The following ZNF587 variants were observed in gnomAD, a reference collection of about 807,000 sequenced individuals.
The protein encoded by ZNF587 is zinc finger protein 587.
A neutral mutation model predicts 7.5 loss-of-function variants in ZNF587; 8 were observed. That is an observed-to-expected ratio of 1.06 (90% CI 0.62 to 1.92). The LOEUF is 1.92. ZNF587 is among the 40% of genes most tolerant of loss of function. The pLI, the probability that ZNF587 is intolerant of heterozygous loss-of-function variation, is 0.00. For missense variants in ZNF587, 468 were observed against 692.8 expected (o/e 0.68, Z 3.64); for synonymous variants, 145 against 237.8 (o/e 0.61, Z 3.59).
At position 57,853,730 on chromosome 19, in the gene ZNF587, A is replaced by C. The variant is rs535385940; in HGVS notation, c.34-2374A>C. On this transcript the variant is annotated intron_variant, in intron 1 of 2. Transcript: ENST00000339656. ...TCAGGGAAGATGACACTTAGGCCTG[A>C]GTTGGTGCCAAAGTTGTAACTTTTT... 6 of 150,970 alleles carry C rather than the reference A, an allele frequency of 4.0e-5. No individual in the cohort carries two copies. In the East Asian group the frequency reaches 1.2e-3, roughly 29 times the overall value. The allele number at this position is 150,970 out of a possible 1,614,324, so 9.4% of individuals were successfully genotyped here.
intron 1 of ZNF587, chr19:57,854,122 T>G (rs2071320027): frequency 6.6e-6 from 1 of 152,234 alleles, no homozygotes. Context: ...CTGGGGAGTT[T>G]CATTCAGCCT....
rs1202955370 is a variant in ZNF587, at chr19:57,863,066, C to T, written c.*2926C>T. 2 of 152,908 alleles carry T rather than the reference C, an allele frequency of 1.3e-5. No individual in the cohort carries two copies. The highest frequency in any genetic ancestry group is 2.9e-5 in the Non-Finnish European group (2 of 68,268). 9.5% of individuals were successfully genotyped at this position (152,908 alleles called of 1,614,324 possible). On this transcript the variant is annotated 3_prime_UTR_variant, in exon 3 of 3. Transcript: ENST00000339656. ...TCCCGGGTTCACGCCATTCTCTTGC[C>T]TCAGCCTCCTGAGTAGCTGGGACCA...
rs549677619 is a variant in ZNF587 at position 57,862,381 on chromosome 19, A to G, written c.*2241A>G. On this transcript the variant is annotated 3_prime_UTR_variant, in exon 3 of 3. Transcript: ENST00000339656. ...CTCAGAGCTCTGAGTCCTCTACTCAATACCCATTGAGATTTATGTGTTCTG... is the reference window on the plus strand; with the variant it reads ...CTCAGAGCTCTGAGTCCTCTACTCAGTACCCATTGAGATTTATGTGTTCTG... 27 of 152,294 alleles carry G rather than the reference A, an allele frequency of 1.8e-4. No homozygotes were observed. Among genetic ancestry groups the G allele is most frequent in the African/African-American group, 4.6e-4 (19 of 41,578 alleles). 9.4% of individuals were successfully genotyped at this position (152,294 alleles called of 1,614,324 possible). A position where few individuals can be genotyped will look rare whatever the true frequency, so the allele number is the denominator to read the frequency against.
rs542306838 is a variant in ZNF587, at chr19:57,859,348, T to C, written c.936T>C (p.Ile312=). Reference sequence around the variant, plus strand: ...CTTTTAGTCAGAAGGGCAGCCTTATTAGCCATCAGCTTGTTCACACTGGAG... The same window carrying C: ...CTTTTAGTCAGAAGGGCAGCCTTATCAGCCATCAGCTTGTTCACACTGGAG... The part of the protein sequence containing the change: ...GKSFSQKGSL[I]SHQLVHTGEG... Residue 312 remains isoleucine, a synonymous_variant, in exon 3 of 3, where the codon ATT becomes ATC. Coordinates refer to ENST00000339656, the MANE Select transcript of ZNF587 (RefSeq NM_032828.4). 17 of 1,609,972 alleles carry C rather than the reference T, an allele frequency of 1.1e-5. No homozygotes were observed. Among genetic ancestry groups the C allele is most frequent in the Non-Finnish European group, 1.4e-5 (17 of 1,179,302 alleles).
In ZNF587 at chr19:57,860,032, A is replaced by G. The variant is rs770535650; in HGVS notation, c.1620A>G (p.Arg540=). The G allele has an allele frequency of 6.2e-7, 1 of 1,613,684 alleles. No individual in the cohort carries two copies. Among genetic ancestry groups the G allele is most frequent in the African/African-American group, 1.3e-5 (1 of 74,756 alleles). ...SECSSLIKHR[R]IHTGERPYEC... is the part of the protein sequence containing the mutation. ...GTTCCAGTCTCATTAAACACAGGAG[A>G]ATTCACACTGGAGAAAGGCCTTATG... Residue 540 remains arginine (R), a synonymous_variant, in exon 3 of 3, where the codon AGA becomes AGG. Coordinates refer to ENST00000339656, the MANE Select transcript of ZNF587 (RefSeq NM_032828.4).
chr19:57,860,420 C>T lies in ZNF587; in HGVS notation c.*280C>T. ...AGTAGCTGGGATTATGAGTACACAC[C>T]ACCACGCCCAGCTAATTTTTGTGTT... On this transcript the variant is annotated 3_prime_UTR_variant, in exon 3 of 3. Transcript: ENST00000339656. The T allele has an allele frequency of 2.0e-6, 1 of 496,708 alleles. No individual in the cohort carries two copies. The highest frequency in any genetic ancestry group is 3.6e-6 in the Non-Finnish European group (1 of 280,412). 30.8% of individuals were successfully genotyped at this position (496,708 alleles called of 1,614,324 possible). A position where few individuals can be genotyped will look rare whatever the true frequency, so the allele number is the denominator to read the frequency against.
chr19:57,855,364 A>G (rs2122326596), intron 1 of ZNF587, among the ~76,000 whole-genome samples: 1 of 152,112 alleles, frequency 6.6e-6, no homozygotes, highest in East Asian at 1.9e-4. Flanking sequence ...CCCCAAAAAT[A>G]AACTTTTACT....
chr19:57,851,873 G>A (rs1024479061), intron 1 of ZNF587: 5 of 153,530 alleles, frequency 3.3e-5, no homozygotes, highest in African/African-American at 1.2e-4. Context: ...TCACATAGAT[G>A]GTAGAGATGA....
At chr19:57,856,017 G>A (rs1568506887) in intron 1 of ZNF587, 87 bp from the exon 2 acceptor site, 1 of 1,569,766 alleles carries the variant, frequency 6.4e-7, no homozygotes, top group Non-Finnish European at 8.6e-7. Context: ...CTTGGGAGGA[G>A]GATGGGCAAG....
rs2071418739 is a variant in ZNF587 at position 57,860,320 on chromosome 19, G to A, written c.*180G>A. On this transcript the variant is annotated 3_prime_UTR_variant, in exon 3 of 3. Transcript: ENST00000339656. ...GTCTTGTTCTGTCACCCAGGCTGGA[G>A]TGCAGTGGTGCAGTCTTGGCTCGCT... 2.5e-6 allele frequency: 3 copies of A among 1,192,404 alleles called. No individual in the cohort carries two copies. Among genetic ancestry groups the A allele is most frequent in the African/African-American group, 1.5e-5 (1 of 65,186 alleles). 73.9% of individuals were successfully genotyped at this position (1,192,404 alleles called of 1,614,324 possible).
Position 57,860,453 on chromosome 19 carries a change from G to T in ZNF587, c.*313G>T. ...CCAGCTAATTTTTGTGTTTTTAGTG[G>T]AGATGGGGTTTTACCATGTTGGCCA... On this transcript the variant is annotated 3_prime_UTR_variant, in exon 3 of 3. Transcript: ENST00000339656. 1 of 404,016 alleles carries T rather than the reference G, an allele frequency of 2.5e-6. No individual in the cohort carries two copies. The highest frequency in any genetic ancestry group is 4.5e-6 in the Non-Finnish European group (1 of 220,846). 25.0% of individuals were successfully genotyped at this position (404,016 alleles called of 1,614,324 possible).
chr19:57,852,049 C>T (rs2071287424), intron 1 of ZNF587: 2 of 307,586 alleles, frequency 6.5e-6, no homozygotes, highest in Admixed American at 1.0e-4. Flanking sequence ...TTAGGGAACC[C>T]ACACAGGGAA....
rs1354691985 is a variant in ZNF587 at position 57,861,001 on chromosome 19, G to C, written c.*861G>C. The C allele has an allele frequency of 6.6e-6, 1 of 152,014 alleles. No homozygotes were observed. Among genetic ancestry groups the C allele is most frequent in the Non-Finnish European group, 1.5e-5 (1 of 68,030 alleles). 9.4% of individuals were successfully genotyped at this position (152,014 alleles called of 1,614,324 possible). On this transcript the variant is annotated 3_prime_UTR_variant, in exon 3 of 3. Coordinates refer to ENST00000339656, the MANE Select transcript of ZNF587 (RefSeq NM_032828.4). Reference sequence around the variant, plus strand: ...GCCTCCCGAGTAGCAGGGATTACCGGTGTGCACCACCATGCCTGGATAACT... The same window carrying C: ...GCCTCCCGAGTAGCAGGGATTACCGCTGTGCACCACCATGCCTGGATAACT...
intron 1 of ZNF587, 40 bp downstream of exon 1, chr19:57,850,111 G>A (rs572439961): frequency 1.2e-6 from 2 of 1,614,220 alleles, no homozygotes; most frequent in Non-Finnish European, 1.7e-6. Flanking sequence ...TCACCCCATC[G>A]TCACCCAGGT....
In ZNF587 at chr19:57,864,661, G is replaced by C. The variant is rs887335713; in HGVS notation, c.*4521G>C. 1 of 152,156 alleles carries C rather than the reference G, an allele frequency of 6.6e-6. No homozygotes were observed. The highest frequency in any genetic ancestry group is 1.5e-5 in the Non-Finnish European group (1 of 68,028). 9.4% of individuals were successfully genotyped at this position (152,156 alleles called of 1,614,324 possible). A position where few individuals can be genotyped will look rare whatever the true frequency, so the allele number is the denominator to read the frequency against. On this transcript the variant is annotated 3_prime_UTR_variant, in exon 3 of 3. Coordinates refer to ENST00000339656, the MANE Select transcript of ZNF587 (RefSeq NM_032828.4). The stretch of plus-strand genomic sequence containing the variant: ...ATATCTTCATCCTTCTCACTGGAAA[G>C]ATCTTTGATGATTTTTAATCAACAT...
intron 1 of ZNF587, among the ~76,000 whole-genome samples, chr19:57,853,006 C>G (rs886204844): frequency 2.7e-5 from 4 of 150,818 alleles, no homozygotes; most frequent in Non-Finnish European, 5.9e-5. Flanking sequence ...GCATGTACCA[C>G]CACACTCGGC....
intron 1 of ZNF587, among the ~76,000 whole-genome samples, chr19:57,853,128 T>C (rs531894038): frequency 6.6e-6 from 1 of 152,264 alleles, no homozygotes; most frequent in African/African-American, 2.4e-5. Flanking sequence ...GCTGGGATTA[T>C]AGGCACGAGC....
In ZNF587 at chr19:57,859,378, G is replaced by C. The variant is rs965148177; in HGVS notation, c.966G>C (p.Gly322=). The change falls in exon 3 of 3, where the codon GGG becomes GGC. Residue 322 remains glycine, a synonymous_variant. Transcript: ENST00000339656. ...ISHQLVHTGE[G]PYECRECGKS... is the part of the protein sequence containing the mutation. ...ATCAGCTTGTTCACACTGGAGAAGG[G>C]CCTTATGAGTGTAGAGAATGTGGGA... is the stretch of plus-strand genomic sequence containing the variant. 1 of 1,609,786 alleles carries C rather than the reference G, an allele frequency of 6.2e-7. No individual in the cohort carries two copies. The highest frequency in any genetic ancestry group is 8.5e-7 in the Non-Finnish European group (1 of 1,179,794).
Position 57,850,021 on chromosome 19 carries a change from GCTTCC to G in ZNF587, c.-16_-12del, listed in dbSNP as rs748130968. The G allele has an allele frequency of 1.2e-6, 2 of 1,614,220 alleles. No homozygotes were observed. The highest frequency in any genetic ancestry group is 1.7e-6 in the Non-Finnish European group (2 of 1,180,054). On this transcript the variant is annotated 5_prime_UTR_variant, in exon 1 of 3. Coordinates refer to ENST00000339656, the MANE Select transcript of ZNF587 (RefSeq NM_032828.4). ...ACGGCGACCACTGCTCCCGGGCCGTGCTTCCCCAAGTAGTCCGATGGCAGCGGCTG... is the reference window on the plus strand; with the variant it reads ...ACGGCGACCACTGCTCCCGGGCCGTGCCAAGTAGTCCGATGGCAGCGGCTG...
Sources: gnomAD v4.1 joint callset for allele counts (sites outside exome capture counted in the v4.1 genomes callset) on GRCh38, gnomAD v4.1.1 for gene constraint, MANE v1.5 for transcripts, NCBI Gene and HGNC (gene_info 2026-07-23, HGNC 2026-07-21) for gene names.